KAZN: variants seen among roughly 807,000 people sequenced by gnomAD.
KAZN encodes kazrin.
KAZN carries 40 observed loss-of-function variants against 87.4 expected under a neutral mutation model. The observed-to-expected ratio is 0.46, with a 90% CI of 0.36 to 0.60. KAZN has a LOEUF of 0.60. KAZN is among the 20% of genes least tolerant of loss of function. The pLI is 0.00. For synonymous variants in KAZN, 466 were observed against 458.3 expected (o/e 1.02, Z -0.22); for missense variants, 898 against 1,073.9 (o/e 0.84, Z 2.29).
intron 1 of KAZN, among the ~76,000 whole-genome samples, chr1:14,908,187 C>T (rs899704156): frequency 5.4e-5 from 8 of 148,242 alleles, no homozygotes; most frequent in African/African-American, 2.0e-4. Flanking sequence ...CGCTTGAGGC[C>T]AGGAGTTCAA....
At chr1:14,128,351 T>G (rs573831980) in intron 1 of KAZN, among the ~76,000 whole-genome samples, 2 of 60,102 alleles carry the variant, frequency 3.3e-5, no homozygotes, top group South Asian at 9.8e-4. Flanking sequence ...AGTCATGCTG[T>G]GTTAGTTTGC....
intron 2 of KAZN, among the ~76,000 whole-genome samples, chr1:14,337,416 G>A (rs1187066862): frequency 1.3e-5 from 2 of 152,182 alleles, no homozygotes; most frequent in African/African-American, 2.4e-5. Flanking sequence ...CTTTAGGGAG[G>A]AAAATATGTT....
chr1:14,995,739 C>G (rs978755539), intron 2 of KAZN, among the ~76,000 whole-genome samples: 2 of 152,160 alleles, frequency 1.3e-5, no homozygotes, highest in African/African-American at 4.8e-5. Context: ...CTGGACTCTT[C>G]CAAAATGCCC....
intron 1 of KAZN, among the ~76,000 whole-genome samples, chr1:14,155,312 A>G (rs1645568741): frequency 6.6e-6 from 1 of 152,078 alleles, no homozygotes; most frequent in Non-Finnish European, 1.5e-5. Context: ...TTTCCAATTT[A>G]TTGGCATATA....
chr1:13,933,436 G>A (rs921752216), intron 1 of KAZN, among the ~76,000 whole-genome samples: 10 of 152,072 alleles, frequency 6.6e-5, no homozygotes, highest in Admixed American at 2.6e-4. Context: ...AGGTTGTGGC[G>A]AGCCGAGATC....
chr1:14,236,365 T>A (rs1236902141), intron 2 of KAZN, among the ~76,000 whole-genome samples: 1 of 152,176 alleles, frequency 6.6e-6, no homozygotes, highest in Admixed American at 6.5e-5. Flanking sequence ...GTCCAACATC[T>A]GCTGCCCAGG....
rs114764523 is a variant in KAZN at position 14,527,901 on chromosome 1, G to A, written c.250-71082G>A. Among the ~76,000 whole-genome samples, 423 of 152,286 alleles carry A rather than the reference G, an allele frequency of 2.8e-3. 2 individuals are homozygous for A. Among genetic ancestry groups the A allele is most frequent in the African/African-American group, 9.4e-3 (391 of 41,562 alleles). On this transcript the variant is annotated intron_variant, in intron 2 of 16. Coordinates refer to the KAZN transcript ENST00000636203. ...CAACAGTGGGAATTAATTTCAGCAT[G>A]AGATTTGGAGAGGACACATATCCAA...
intron 1 of KAZN, among the ~76,000 whole-genome samples, chr1:14,756,781 T>C (rs1320479234): frequency 6.6e-6 from 1 of 152,010 alleles, no homozygotes; most frequent in East Asian, 1.9e-4. Context: ...GAATGTCTTC[T>C]TACTAAAGAG....
intron 1 of KAZN, among the ~76,000 whole-genome samples, chr1:14,642,486 C>G (rs1680481119): frequency 6.6e-6 from 1 of 152,070 alleles, no homozygotes; most frequent in African/African-American, 2.4e-5. Context: ...TGTGTGGAAG[C>G]TTTAAAAAGC....
At chr1:14,915,878 AT>A (rs1657760199) in intron 1 of KAZN, among the ~76,000 whole-genome samples, 1 of 152,172 alleles carries the variant, frequency 6.6e-6, no homozygotes, top group African/African-American at 2.4e-5. Flanking sequence ...AATGACACCT[AT>A]TGCCAAGGCA....
chr1:14,738,449 T>C (rs1344539351), intron 1 of KAZN, among the ~76,000 whole-genome samples: 1 of 151,956 alleles, frequency 6.6e-6, no homozygotes, highest in Non-Finnish European at 1.5e-5. Context: ...CCCTTGTATA[T>C]CTCGTCATGC....
intron 2 of KAZN, among the ~76,000 whole-genome samples, chr1:14,469,928 T>G (rs1404332339): frequency 6.6e-6 from 1 of 152,216 alleles, no homozygotes. Context: ...TCTTGTTTTA[T>G]AAAACACAAA....
At chr1:14,913,245 C>T (rs1657441869) in intron 1 of KAZN, among the ~76,000 whole-genome samples, 1 of 152,134 alleles carries the variant, frequency 6.6e-6, no homozygotes, top group African/African-American at 2.4e-5. Flanking sequence ...CCCAGGACTC[C>T]CTGAGTACCC....
At chr1:14,557,690 A>AGG (rs964856587) in intron 2 of KAZN, among the ~76,000 whole-genome samples, 4 of 150,602 alleles carry the variant, frequency 2.7e-5, no homozygotes, top group Non-Finnish European at 5.9e-5. Flanking sequence ...AGAGAGAGAG[A>AGG]GAGAGATTTG....
rs970029558 is a variant in KAZN, at chr1:14,546,500, T to G, written c.250-52483T>G. Among the ~76,000 whole-genome samples, 4 of 152,126 alleles carry G rather than the reference T, an allele frequency of 2.6e-5. No individual in the cohort carries two copies. In the East Asian group the frequency reaches 7.7e-4, roughly 29 times the overall value. ...GAAGAGAAGAGCCTTTCCCCAGTTCTAAATTGTTTCCTAAATGTTTCTCGG... is the reference window on the plus strand; with the variant it reads ...GAAGAGAAGAGCCTTTCCCCAGTTCGAAATTGTTTCCTAAATGTTTCTCGG... On this transcript the variant is annotated intron_variant, in intron 2 of 16. Transcript: ENST00000636203.
At chr1:14,250,584 T>C (rs538132163) in intron 2 of KAZN, among the ~76,000 whole-genome samples, 4 of 151,684 alleles carry the variant, frequency 2.6e-5, no homozygotes, top group African/African-American at 9.7e-5. Flanking sequence ...AAGTTGATGG[T>C]GAGATTCAAC....
intron 2 of KAZN, among the ~76,000 whole-genome samples, chr1:14,985,144 A>G (rs1289198170): frequency 6.6e-6 from 1 of 151,494 alleles, no homozygotes; most frequent in Non-Finnish European, 1.5e-5. Context: ...TCAAAAAAAA[A>G]AAAAAAATGG....
At chr1:14,529,534 C>T (rs1328599343) in intron 2 of KAZN, among the ~76,000 whole-genome samples, 1 of 152,084 alleles carries the variant, frequency 6.6e-6, no homozygotes, top group African/African-American at 2.4e-5. Context: ...CTTGTAGATT[C>T]CAGAACACCA....
At chr1:14,057,573 T>A (rs1642627453) in intron 1 of KAZN, among the ~76,000 whole-genome samples, 1 of 152,236 alleles carries the variant, frequency 6.6e-6, no homozygotes, top group Non-Finnish European at 1.5e-5. Flanking sequence ...ATGGTCCTGA[T>A]CTGGCCAACC....
Sources: allele counts gnomAD v4.1 joint callset (sites outside exome capture counted in the v4.1 genomes callset), GRCh38; gene constraint gnomAD v4.1.1; transcripts MANE v1.5; gene names NCBI Gene and HGNC (gene_info 2026-07-23, HGNC 2026-07-21).